The following FGF14 variants were observed in gnomAD, a reference collection of about 807,000 sequenced individuals.
FGF14 encodes the protein fibroblast growth factor homologous factor 4.
FGF14 carries 5 observed loss-of-function variants against 25.5 expected under a neutral mutation model. The observed-to-expected ratio is 0.20, with a 90% CI of 0.10 to 0.41. FGF14 has a LOEUF of 0.41. Among genes scored for constraint, FGF14 ranks in the 10% least tolerant of loss-of-function variants. The pLI, the probability that FGF14 is intolerant of heterozygous loss-of-function variation, is 1.00. For synonymous variants in FGF14, 138 were observed against 118.3 expected (o/e 1.17, Z -1.08); for missense variants, 222 against 320.1 (o/e 0.69, Z 2.34).
rs115762174 is a variant in FGF14 at position 101,797,578 on chromosome 13, A to T, written c.409-70768T>A. 3.7e-3 allele frequency among the ~76,000 whole-genome samples: 567 copies of T among 152,222 alleles called. 3 individuals carry two copies. Among genetic ancestry groups the T allele is most frequent in the African/African-American group, 0.012 (518 of 41,558 alleles). On this transcript the variant is annotated intron_variant, in intron 3 of 4. Coordinates refer to ENST00000376143, the MANE Select transcript of FGF14 (RefSeq NM_004115.4). Reference sequence around the variant, plus strand: ...TCGACAGAGAGCGCATCATATTAGCAGGCTGACCAAGCTTTGATTTCAGCC... The same window carrying T: ...TCGACAGAGAGCGCATCATATTAGCTGGCTGACCAAGCTTTGATTTCAGCC...
At chr13:101,723,656 CA>C in intron 4 of FGF14, among the ~76,000 whole-genome samples, 1 of 152,182 alleles carries the variant, frequency 6.6e-6, no homozygotes, top group East Asian at 1.9e-4. Flanking sequence ...TGACATGATA[CA>C]GGGGCAGAAA....
intron 1 of FGF14, among the ~76,000 whole-genome samples, chr13:102,100,309 A>G (rs769063169): frequency 4.0e-5 from 6 of 151,388 alleles, no homozygotes; most frequent in Non-Finnish European, 5.9e-5. Flanking sequence ...CTGCTGTGGA[A>G]CCCTCCCTAC....
chr13:102,276,332 C>CAT (rs2053540427), intron 1 of FGF14, among the ~76,000 whole-genome samples: 1 of 108,450 alleles, frequency 9.2e-6, no homozygotes, highest in African/African-American at 3.7e-5. Flanking sequence ...CACACACGTA[C>CAT]GTGTGTGTGT....
At chr13:101,862,121 T>G (rs1453621038) in intron 3 of FGF14, among the ~76,000 whole-genome samples, 1 of 152,090 alleles carries the variant, frequency 6.6e-6, no homozygotes, top group Non-Finnish European at 1.5e-5. Context: ...GTTTTGTTTT[T>G]CTACACCACG....
At chr13:101,832,732 A>G (rs1408232497) in intron 3 of FGF14, among the ~76,000 whole-genome samples, 1 of 152,052 alleles carries the variant, frequency 6.6e-6, no homozygotes, top group Non-Finnish European at 1.5e-5. Flanking sequence ...AATGATATTG[A>G]AGAGTGAAAA....
At chr13:102,090,872 C>T (rs763814493) in intron 1 of FGF14, among the ~76,000 whole-genome samples, 7 of 152,174 alleles carry the variant, frequency 4.6e-5, no homozygotes, top group Admixed American at 6.5e-5. Context: ...GCCATTGAGT[C>T]GGCTAGGAGC....
chr13:102,279,598 C>T (rs1466402144), intron 1 of FGF14, among the ~76,000 whole-genome samples: 1 of 152,094 alleles, frequency 6.6e-6, no homozygotes, highest in Admixed American at 6.5e-5. Flanking sequence ...GTATGCCAGG[C>T]ACCGTTCTAA....
intron 1 of FGF14, among the ~76,000 whole-genome samples, chr13:102,202,770 T>C (rs2049721377): frequency 6.6e-6 from 1 of 152,352 alleles, no homozygotes; most frequent in East Asian, 1.9e-4. Flanking sequence ...CCTTACGTAG[T>C]AGACAATTTG....
Position 101,781,375 on chromosome 13 carries a change from A to G in FGF14, c.409-54565T>C, listed in dbSNP as rs377601224. Among the ~76,000 whole-genome samples, 53 of 152,216 alleles carry G rather than the reference A, an allele frequency of 3.5e-4. No individual in the cohort carries two copies. In the South Asian group the frequency reaches 7.9e-3, roughly 23 times the overall value. Reference sequence around the variant, plus strand: ...TGGATGTTGTCTTTTTTTCTACCGTATTCTCAGCATCAGAGCTGTGCCTGA... The same window carrying G: ...TGGATGTTGTCTTTTTTTCTACCGTGTTCTCAGCATCAGAGCTGTGCCTGA... On this transcript the variant is annotated intron_variant, in intron 3 of 4. Transcript: ENST00000376143.
chr13:101,758,636 A>G (rs996333304), intron 3 of FGF14, among the ~76,000 whole-genome samples: 2 of 152,210 alleles, frequency 1.3e-5, no homozygotes, highest in Non-Finnish European at 2.9e-5. Flanking sequence ...CCAGAAATCT[A>G]AACCTAATAC....
intron 1 of FGF14, among the ~76,000 whole-genome samples, chr13:102,041,940 G>C (rs1165012053): frequency 6.6e-6 from 1 of 152,098 alleles, no homozygotes; most frequent in African/African-American, 2.4e-5. Flanking sequence ...TCCATTGCTT[G>C]AGAATGCACA....
intron 1 of FGF14, among the ~76,000 whole-genome samples, chr13:101,941,451 A>G (rs1327176087): frequency 6.6e-6 from 1 of 152,220 alleles, no homozygotes; most frequent in Non-Finnish European, 1.5e-5. Flanking sequence ...CCTATAGCAA[A>G]AAGAAAAATA....
intron 1 of FGF14, among the ~76,000 whole-genome samples, chr13:102,383,765 C>A (rs1356484659): frequency 6.6e-6 from 1 of 151,858 alleles, no homozygotes; most frequent in Non-Finnish European, 1.5e-5. Context: ...GCCCTCTAAT[C>A]CCCTTGGGAA....
At chr13:101,879,610 A>T (rs2138783938) in intron 1 of FGF14, among the ~76,000 whole-genome samples, 3 of 152,302 alleles carry the variant, frequency 2.0e-5, no homozygotes, top group Middle Eastern at 6.8e-3. Flanking sequence ...AAATGGAAAA[A>T]TGTACACTAT....
At chr13:102,054,929 C>T (rs1226978440) in intron 1 of FGF14, among the ~76,000 whole-genome samples, 1 of 152,184 alleles carries the variant, frequency 6.6e-6, no homozygotes, top group Non-Finnish European at 1.5e-5. Context: ...TTCCCACAGC[C>T]ATGCCTTCAT....
chr13:101,978,278 A>C (rs935081916), intron 1 of FGF14, among the ~76,000 whole-genome samples: 2 of 152,154 alleles, frequency 1.3e-5, no homozygotes, highest in African/African-American at 4.8e-5. Flanking sequence ...CTTATCTATA[A>C]TATGTGCAGA....
intron 3 of FGF14, among the ~76,000 whole-genome samples, chr13:101,790,629 A>T (rs1390751806): frequency 6.6e-6 from 1 of 152,140 alleles, no homozygotes; most frequent in African/African-American, 2.4e-5. Context: ...ATTTCCATAA[A>T]GCTAGGTGCA....
chr13:102,233,221 G>A (rs747728011), intron 1 of FGF14, among the ~76,000 whole-genome samples: 1 of 151,910 alleles, frequency 6.6e-6, no homozygotes, highest in Non-Finnish European at 1.5e-5. Flanking sequence ...TGCAACCTCC[G>A]CCTCCTGGGT....
At chr13:102,184,006 A>G (rs1365148832) in intron 1 of FGF14, among the ~76,000 whole-genome samples, 1 of 152,156 alleles carries the variant, frequency 6.6e-6, no homozygotes, top group Non-Finnish European at 1.5e-5. Context: ...TTAAGTAAAT[A>G]TCAAGAAATA....
Sources: allele counts gnomAD v4.1 joint callset (sites outside exome capture counted in the v4.1 genomes callset), GRCh38; gene constraint gnomAD v4.1.1; transcripts MANE v1.5; gene names NCBI Gene and HGNC (gene_info 2026-07-23, HGNC 2026-07-21).